The following CDKN2B-AS1 variants were observed in gnomAD, a reference collection of about 807,000 sequenced individuals.
CDKN2B-AS1 encodes the protein CDKN2B and CDKN2A antisense cis and trans regulatory RNA 1.
rs937110218 is a variant in CDKN2B-AS1 at position 22,012,403 on chromosome 9, C to G, written n.29+17242C>G. 5.0e-6 allele frequency: 4 copies of G among 801,106 alleles called. No homozygotes were observed. In the African/African-American group the frequency reaches 6.8e-5, roughly 14 times the overall value. 49.6% of individuals were successfully genotyped at this position (801,106 alleles called of 1,614,324 possible). A position where few individuals can be genotyped will look rare whatever the true frequency, so the allele number is the denominator to read the frequency against. ...GTGGCATTATTGAGCCTTCACTCTT[C>G]CAGCTCACCTAGAAATACAGCTGAA... On this transcript the variant is annotated intron_variant and non_coding_transcript_variant, in intron 1 of 4. Coordinates refer to ENST00000650946, the Ensembl canonical transcript of CDKN2B-AS1.
rs889373851 is a variant in CDKN2B-AS1, at chr9:21,996,709, G to C, written n.29+1548G>C. Among the ~76,000 whole-genome samples the C allele has an allele frequency of 8.5e-5, 13 of 152,154 alleles. No individual in the cohort carries two copies. Among genetic ancestry groups the C allele is most frequent in the African/African-American group, 2.9e-4 (12 of 41,420 alleles). The stretch of plus-strand genomic sequence containing the variant: ...CTTCAGCCGGCCTCCGCCTCTGTAG[G>C]GGGGCATTAGGTTTTCTGTCCCACA... On this transcript the variant is annotated intron_variant and non_coding_transcript_variant, in intron 1 of 4. Transcript: ENST00000650946. The surrounding 1 kb of genome is among the most constrained non-coding windows in gnomAD (Gnocchi z 5.4).
chr9:22,080,836 G>A (rs903211304), intron 4 of CDKN2B-AS1, among the ~76,000 whole-genome samples: 2 of 152,176 alleles, frequency 1.3e-5, no homozygotes, highest in Admixed American at 6.5e-5. Flanking sequence ...AAAATAGGAG[G>A]GTGGGCTGAG....
chr9:22,050,358 T>C (rs1823294235), intron 3 of CDKN2B-AS1, among the ~76,000 whole-genome samples: 1 of 152,216 alleles, frequency 6.6e-6, no homozygotes, highest in African/African-American at 2.4e-5. Flanking sequence ...CTGACCCCTT[T>C]TCAGTTTTTC....
Position 22,005,796 on chromosome 9 carries a change from G to A in CDKN2B-AS1, n.29+10635G>A, listed in dbSNP as rs1821142768. 1.4e-6 allele frequency: 1 copy of A among 712,520 alleles called. No individual in the cohort carries two copies. Among genetic ancestry groups the A allele is most frequent in the Non-Finnish European group, 2.4e-6 (1 of 424,346 alleles). 44.1% of individuals were successfully genotyped at this position (712,520 alleles called of 1,614,324 possible). A position where few individuals can be genotyped will look rare whatever the true frequency, so the allele number is the denominator to read the frequency against. ...GCTTCATGGTGAGTGTCGAGGGCCA[G>A]ATAAGACAAAGAAAAAAATGTATGG... is the stretch of plus-strand genomic sequence containing the variant. On this transcript the variant is annotated intron_variant and non_coding_transcript_variant, in intron 1 of 4. Transcript: ENST00000650946. This position sits in a 1 kb window ranked among gnomAD's most constrained non-coding sequence, Gnocchi z 4.9.
intron 4 of CDKN2B-AS1, among the ~76,000 whole-genome samples, chr9:22,070,837 C>T (rs966795418): frequency 4.6e-5 from 7 of 152,098 alleles, no homozygotes; most frequent in Admixed American, 2.0e-4. Flanking sequence ...TCAATTAATG[C>T]AAATGTAAGT....
chr9:22,067,595 G>A (rs1824110422), intron 4 of CDKN2B-AS1, among the ~76,000 whole-genome samples: 1 of 152,034 alleles, frequency 6.6e-6, no homozygotes, highest in Non-Finnish European at 1.5e-5. Flanking sequence ...TGTCTAGGAA[G>A]GATGTGGAGA....
At chr9:22,017,440 T>C (rs558214674) in intron 1 of CDKN2B-AS1, among the ~76,000 whole-genome samples, 24 of 152,366 alleles carry the variant, frequency 1.6e-4, no homozygotes, top group African/African-American at 5.5e-4. Context: ...GGACTCTATA[T>C]GTGCTAGGCA....
At chr9:22,036,526 A>G (rs1262722455) in intron 1 of CDKN2B-AS1, among the ~76,000 whole-genome samples, 13 of 152,070 alleles carry the variant, frequency 8.5e-5, no homozygotes, top group Admixed American at 6.6e-5. Context: ...TTCTATGCAT[A>G]TTTTTATACT....
At chr9:22,101,553 T>A (rs1426285919) in intron 4 of CDKN2B-AS1, among the ~76,000 whole-genome samples, 1 of 152,068 alleles carries the variant, frequency 6.6e-6, no homozygotes, top group Non-Finnish European at 1.5e-5. Flanking sequence ...TGTGGCAAAA[T>A]AAGAACAGAA....
In CDKN2B-AS1 at chr9:22,096,337, G is replaced by C. The variant is rs368423972; in HGVS notation, n.439-30766G>C. 3.9e-5 allele frequency: 6 copies of C among 152,288 alleles called. No individual in the cohort carries two copies. The East Asian group carries it at 5.8e-4, about 15-fold the overall frequency. 9.4% of individuals were successfully genotyped at this position (152,288 alleles called of 1,614,324 possible). A position where few individuals can be genotyped will look rare whatever the true frequency, so the allele number is the denominator to read the frequency against. The stretch of plus-strand genomic sequence containing the variant: ...AGATGAATGAGATTGGACACCATTC[G>C]TTCATTCCTGACTATGAACTTGGCA... On this transcript the variant is annotated intron_variant and non_coding_transcript_variant, in intron 4 of 4. Coordinates refer to ENST00000650946, the Ensembl canonical transcript of CDKN2B-AS1.
At chr9:22,041,852 C>G (rs1316367060) in intron 1 of CDKN2B-AS1, among the ~76,000 whole-genome samples, 1 of 151,918 alleles carries the variant, frequency 6.6e-6, no homozygotes, top group African/African-American at 2.4e-5. Flanking sequence ...AGGGAGTGGC[C>G]TTGATTCCTG....
At chr9:22,060,567 C>CAGTCCCTG (rs1823774175) in intron 4 of CDKN2B-AS1, among the ~76,000 whole-genome samples, 1 of 152,182 alleles carries the variant, frequency 6.6e-6, no homozygotes. Context: ...CAAACTGTTC[C>CAGTCCCTG]AGTCCCTGCC....
chr9:22,029,495 A>C, intron 1 of CDKN2B-AS1: 1 of 779,584 alleles, frequency 1.3e-6, no homozygotes, highest in Non-Finnish European at 2.4e-6. Flanking sequence ...TGCTGTGATG[A>C]TTCCTCAGCT....
intron 4 of CDKN2B-AS1, among the ~76,000 whole-genome samples, chr9:22,088,965 T>C (rs766873398): frequency 2.0e-5 from 3 of 152,206 alleles, no homozygotes; most frequent in Non-Finnish European, 4.4e-5. Flanking sequence ...ATCAGCAGCA[T>C]ACCACACACC....
intron 4 of CDKN2B-AS1, among the ~76,000 whole-genome samples, chr9:22,108,367 T>G (rs953987529): frequency 1.3e-5 from 2 of 152,210 alleles, no homozygotes; most frequent in Non-Finnish European, 2.9e-5. Flanking sequence ...AACACTTGTC[T>G]ATGCACATTG....
intron 1 of CDKN2B-AS1, among the ~76,000 whole-genome samples, chr9:22,024,796 G>A (rs1315000356): frequency 1.3e-5 from 2 of 152,274 alleles, no homozygotes; most frequent in African/African-American, 2.4e-5. Flanking sequence ...TATGGGTAGC[G>A]AACACCCGGC....
At chr9:22,120,716 G>A (rs2131376733) in intron 4 of CDKN2B-AS1, 1 of 152,092 alleles carries the variant, frequency 6.6e-6, no homozygotes, top group Non-Finnish European at 1.5e-5. Flanking sequence ...ATAACATATT[G>A]GCATATGTCT....
chr9:22,070,403 G>A (rs948077049), intron 4 of CDKN2B-AS1, among the ~76,000 whole-genome samples: 5 of 152,076 alleles, frequency 3.3e-5, no homozygotes, highest in African/African-American at 7.2e-5. Context: ...CCTTGGAAAG[G>A]ACATGTAAAC....
chr9:22,093,053 C>T (rs1048020593), intron 4 of CDKN2B-AS1, among the ~76,000 whole-genome samples: 3 of 152,074 alleles, frequency 2.0e-5, no homozygotes, highest in Admixed American at 6.5e-5. Context: ...CAAAGAACAT[C>T]TTTATTTCTG....
Sources: allele counts gnomAD v4.1 joint callset (sites outside exome capture counted in the v4.1 genomes callset), GRCh38; gene constraint gnomAD v4.1.1; non-coding constraint Gnocchi (gnomAD v3.1); transcripts MANE v1.5; gene names NCBI Gene and HGNC (gene_info 2026-07-23, HGNC 2026-07-21).